The following NMT1 variants were observed in gnomAD, a reference collection of about 807,000 sequenced individuals.
The protein encoded by NMT1 is glycylpeptide N-tetradecanoyltransferase 1.
A neutral mutation model predicts 63.4 loss-of-function variants in NMT1; 12 were observed. That is an observed-to-expected ratio of 0.19 (90% confidence interval 0.12 to 0.31). NMT1 has a LOEUF of 0.31. NMT1 is among the 10% of genes least tolerant of loss of function. The probability of loss-of-function intolerance (pLI) is 1.00; values close to 1 mark genes in which losing one functional copy is unlikely to be tolerated. For missense variants in NMT1, 432 were observed against 634.6 expected, an observed-to-expected ratio of 0.68 and a Z score of 3.43; for synonymous variants, 228 against 234.3, an observed-to-expected ratio of 0.97 and a Z score of 0.25.
chr17:45,064,244 C>T (rs1014140511), intron 1 of NMT1, among the ~76,000 whole-genome samples: 1 of 152,098 alleles, frequency 6.6e-6, no homozygotes, highest in Non-Finnish European at 1.5e-5. Context: ...ACCTTAAAAA[C>T]TTTGACAGTT....
In NMT1 at chr17:45,098,533, A is replaced by G; in HGVS notation, c.865A>G (p.Lys289Glu). 6.2e-7 allele frequency: 1 copy of G among 1,614,118 alleles called. No homozygotes were observed. Among genetic ancestry groups the G allele is most frequent in the Non-Finnish European group, 8.5e-7 (1 of 1,179,996 alleles). Residue 289 changes from lysine (K) to glutamate (E), a missense_variant, in exon 7 of 12, where the codon AAG (lysine) becomes GAG (glutamate). Transcript: ENST00000258960. ...AVYTAGVVLPKPVGTCRYWHR... is the reference protein window; with the variant it reads ...AVYTAGVVLPEPVGTCRYWHR... ...TTACACTGCCGGGGTGGTACTACCA[A>G]AGCCCGTTGGCACCTGCAGGTAAAA...
At chr17:45,080,312 C>T (rs1278956461) in intron 1 of NMT1, among the ~76,000 whole-genome samples, 1 of 151,942 alleles carries the variant, frequency 6.6e-6, no homozygotes, top group Non-Finnish European at 1.5e-5. Context: ...AGGCATGCGC[C>T]ACCATGCCCG....
chr17:45,068,388 C>T (rs1399645859), intron 1 of NMT1, among the ~76,000 whole-genome samples: 1 of 152,162 alleles, frequency 6.6e-6, no homozygotes, highest in East Asian at 1.9e-4. Flanking sequence ...AAGAGAATCA[C>T]TTGAACCCGG....
Position 45,105,528 on chromosome 17 carries a change from C to A in NMT1, c.1471-91C>A. The A allele has an allele frequency of 6.9e-7, 1 of 1,459,700 alleles. No individual in the cohort carries two copies. Among genetic ancestry groups the A allele is most frequent in the Non-Finnish European group, 9.6e-7 (1 of 1,043,438 alleles). The allele number at this position is 1,459,700 out of a possible 1,614,324, so 90.4% of individuals were successfully genotyped here. On this transcript the variant is annotated intron_variant, in intron 11 of 11. Coordinates refer to ENST00000258960, the MANE Select transcript of NMT1 (RefSeq NM_021079.5). This position sits in a 1 kb window ranked among gnomAD's most constrained non-coding sequence, Gnocchi z 4.2. ...CACAGCACAGGCGGTGGACCCGGGCCCAGCCACTCGGAACTTCAGGGATAG... is the reference window on the plus strand; with the variant it reads ...CACAGCACAGGCGGTGGACCCGGGCACAGCCACTCGGAACTTCAGGGATAG...
chr17:45,098,322 T>G (rs2054139435), intron 6 of NMT1, 60 bp from the exon 7 acceptor site: 2 of 1,543,628 alleles, frequency 1.3e-6, no homozygotes, highest in Non-Finnish European at 1.8e-6. Flanking sequence ...ACGTGCTTGA[T>G]GGGATCACCA....
intron 1 of NMT1, among the ~76,000 whole-genome samples, chr17:45,077,837 A>G (rs2053987592): frequency 6.6e-6 from 1 of 152,156 alleles, no homozygotes; most frequent in East Asian, 1.9e-4. Context: ...AGAAGAAGTT[A>G]TCTTTAGGCC....
At chr17:45,064,964 G>C (rs969313255) in intron 1 of NMT1, among the ~76,000 whole-genome samples, 1 of 152,074 alleles carries the variant, frequency 6.6e-6, no homozygotes, top group Non-Finnish European at 1.5e-5. Context: ...TCTTCAGATC[G>C]TCCCTAACCT....
chr17:45,107,191 T>C lies in NMT1; in HGVS notation c.*1552T>C, dbSNP rs915393689. The stretch of plus-strand genomic sequence containing the variant: ...CTTTCTACAGGCCAGCAGGGGCTTG[T>C]TGCAGGCTGTGGGTTTTGGTGTGGT... On this transcript the variant is annotated 3_prime_UTR_variant, in exon 12 of 12. Coordinates refer to ENST00000258960, the MANE Select transcript of NMT1 (RefSeq NM_021079.5). The C allele has an allele frequency of 8.5e-5, 13 of 152,140 alleles. No individual in the cohort carries two copies. Among genetic ancestry groups the C allele is most frequent in the African/African-American group, 3.1e-4 (13 of 41,414 alleles). 9.4% of individuals were successfully genotyped at this position (152,140 alleles called of 1,614,324 possible). A position where few individuals can be genotyped will look rare whatever the true frequency, so the allele number is the denominator to read the frequency against.
intron 8 of NMT1, among the ~76,000 whole-genome samples, chr17:45,100,885 AAAAAAAAAAAAG>A (rs2054158496): frequency 1.5e-5 from 2 of 132,388 alleles, no homozygotes; most frequent in African/African-American, 2.8e-5. Flanking sequence ...AAAAAAAAAA[AAAAAAAAAAAAG>A]AAGGCCAGGC....
intron 2 of NMT1, among the ~76,000 whole-genome samples, chr17:45,084,660 G>T (rs531810119): frequency 1.3e-5 from 2 of 150,858 alleles, no homozygotes; most frequent in Non-Finnish European, 3.0e-5. Flanking sequence ...AGGGACAGGG[G>T]TCTCACTATA....
chr17:45,092,216 G>A (rs2054093051), intron 3 of NMT1, among the ~76,000 whole-genome samples: 1 of 151,854 alleles, frequency 6.6e-6, no homozygotes, highest in Non-Finnish European at 1.5e-5. Context: ...GTCTCATGAG[G>A]ACAGGGACTT....
chr17:45,079,889 C>T (rs530950267), intron 1 of NMT1, among the ~76,000 whole-genome samples: 12 of 152,200 alleles, frequency 7.9e-5, no homozygotes, highest in Non-Finnish European at 1.2e-4. Context: ...TTAGTAGAGA[C>T]GGTGTTTTAC....
intron 3 of NMT1, among the ~76,000 whole-genome samples, chr17:45,088,845 C>T (rs12601398): frequency 0.11 from 16,524 of 152,058 alleles, 1,002 homozygotes; most frequent in Middle Eastern, 0.18. Context: ...TTTCCTTTCA[C>T]CTGTAAATGT....
rs944115182 is a variant in NMT1, at chr17:45,069,492, A to G, written c.131+8032A>G. ...TTTTTAGTAGAGATGGGGTTTCACC[A>G]TCTTGGCCAGGCTGGTCTTGGAACT... is the stretch of plus-strand genomic sequence containing the variant. On this transcript the variant is annotated intron_variant, in intron 1 of 11. Transcript: ENST00000258960. Among the ~76,000 whole-genome samples the G allele has an allele frequency of 2.6e-5, 4 of 151,148 alleles. 1 individual carries two copies. In the South Asian group the frequency reaches 8.4e-4, roughly 32 times the overall value.
At chr17:45,100,567 CAAAAT>C (rs1315022511) in intron 8 of NMT1, among the ~76,000 whole-genome samples, 2 of 143,320 alleles carry the variant, frequency 1.4e-5, no homozygotes, top group Non-Finnish European at 3.0e-5. Context: ...GACTCCGTCT[CAAAAT>C]AAAAGAAGCC....
intron 1 of NMT1, among the ~76,000 whole-genome samples, chr17:45,073,354 G>T (rs770996543): frequency 8.6e-5 from 13 of 151,814 alleles, no homozygotes; most frequent in Non-Finnish European, 1.6e-4. Context: ...GGAGGCGGAG[G>T]TTGCAGTGAG....
chr17:45,099,317 C>A, intron 7 of NMT1, 88 bp from the exon 8 acceptor site: 1 of 898,796 alleles, frequency 1.1e-6, no homozygotes, highest in Non-Finnish European at 1.9e-6. Flanking sequence ...TCTCACGCCA[C>A]CTGCTGGCCA....
At chr17:45,100,829 C>T (rs958341452) in intron 8 of NMT1, among the ~76,000 whole-genome samples, 2 of 115,062 alleles carry the variant, frequency 1.7e-5, no homozygotes, top group East Asian at 2.8e-4. Flanking sequence ...CACCACTGCA[C>T]TCCAACCTAG....
rs2054196273 is a variant in NMT1 at position 45,105,465 on chromosome 17, A to G, written c.1471-154A>G. Among the ~76,000 whole-genome samples, 2 of 152,016 alleles carry G rather than the reference A, an allele frequency of 1.3e-5. No individual in the cohort carries two copies. Among genetic ancestry groups the G allele is most frequent in the African/African-American group, 4.8e-5 (2 of 41,360 alleles). ...GATGGACGTGTGAACCCTGGTGTGG[A>G]GGTTGAGTGTGGGGCCGGCTGGGTG... On this transcript the variant is annotated intron_variant, in intron 11 of 11. Coordinates refer to ENST00000258960, the MANE Select transcript of NMT1 (RefSeq NM_021079.5). The surrounding 1 kb of genome is among the most constrained non-coding windows in gnomAD (Gnocchi z 4.2).
Sources: gnomAD v4.1 joint callset for allele counts (sites outside exome capture counted in the v4.1 genomes callset) on GRCh38, gnomAD v4.1.1 for gene constraint, Gnocchi (gnomAD v3.1) non-coding constraint, MANE v1.5 for transcripts, NCBI Gene and HGNC (gene_info 2026-07-23, HGNC 2026-07-21) for gene names.